Variants in NANS observed in about 807,000 individuals in gnomAD.
NANS encodes the protein N-acetylneuraminate-9-phosphate synthase.
In NANS, 29 loss-of-function variants were observed where a neutral mutation model predicts 33.3. The ratio of observed to expected loss-of-function variants is 0.87; its 90% CI spans 0.65 to 1.19. NANS has a LOEUF of 1.19. Among genes scored for constraint, NANS ranks in the 50% most tolerant of loss-of-function variants. The probability of loss-of-function intolerance (pLI) is 0.00; values close to 1 mark genes in which losing one functional copy is unlikely to be tolerated. For missense variants in NANS, 394 were observed against 461.1 expected, an observed-to-expected ratio of 0.85 and a Z score of 1.33; for synonymous variants, 163 against 177.2, an observed-to-expected ratio of 0.92 and a Z score of 0.64.
intron 2 of NANS, among the ~76,000 whole-genome samples, chr9:98,062,885 T>C (rs913533059): frequency 8.6e-5 from 13 of 150,962 alleles, no homozygotes; most frequent in Non-Finnish European, 1.9e-4. Context: ...TACCATTATC[T>C]CAAAATTCAA....
At chr9:98,061,793 T>G (rs1236715390) in intron 2 of NANS, among the ~76,000 whole-genome samples, 1 of 146,322 alleles carries the variant, frequency 6.8e-6, no homozygotes, top group African/African-American at 2.5e-5. Context: ...AAAAAAAAAA[T>G]TAATAATAAT....
At chr9:98,073,271 C>CCTT (rs1564161444) in intron 2 of NANS, among the ~76,000 whole-genome samples, 8 of 57,848 alleles carry the variant, frequency 1.4e-4, no homozygotes, top group Admixed American at 2.1e-4. Flanking sequence ...TCACCATGGG[C>CCTT]TTTTTTTTTT....
intron 2 of NANS, among the ~76,000 whole-genome samples, chr9:98,073,947 G>A (rs1230841727): frequency 5.3e-5 from 8 of 151,796 alleles, no homozygotes; most frequent in Admixed American, 2.6e-4. Flanking sequence ...CCACACACCC[G>A]GCTAATTTTT....
intron 2 of NANS, among the ~76,000 whole-genome samples, chr9:98,073,258 T>G (rs976964472): frequency 2.3e-5 from 3 of 129,262 alleles, no homozygotes; most frequent in Non-Finnish European, 4.8e-5. Flanking sequence ...TCTCCCCAGC[T>G]CATCACCATG....
At chr9:98,061,366 A>C (rs1029196505) in intron 2 of NANS, 5 of 217,006 alleles carry the variant, frequency 2.3e-5, no homozygotes, top group African/African-American at 6.9e-5. Context: ...AATCCCAGTT[A>C]CTTGGGAGGC....
rs779218846 is a variant in NANS, at chr9:98,077,018, G to A, written c.448+1G>A. The A allele has an allele frequency of 1.2e-5, 20 of 1,601,004 alleles. No individual in the cohort carries two copies. Among genetic ancestry groups the A allele is most frequent in the Admixed American group, 1.7e-5 (1 of 58,666 alleles). On this transcript the variant is annotated splice_donor_variant, in intron 3 of 5. Transcript: ENST00000210444. LOFTEE classifies it high-confidence loss of function. The stretch of plus-strand genomic sequence containing the variant: ...TATCTGGAAAAGACAGCCAAAAAAG[G>A]TAAGTGTCTAATTTTTGACTTAAAA...
intron 5 of NANS, chr9:98,081,326 C>T: frequency 1.8e-6 from 1 of 547,440 alleles, no homozygotes; most frequent in Non-Finnish European, 3.2e-6. Context: ...CCTAGGGTCA[C>T]ATTAGAGTCT....
intron 2 of NANS, among the ~76,000 whole-genome samples, chr9:98,073,365 A>G (rs1386281248): frequency 7.8e-6 from 1 of 128,842 alleles, no homozygotes; most frequent in Non-Finnish European, 1.5e-5. Context: ...GCTCACTGCA[A>G]CCTCCACCTC....
chr9:98,072,720 T>C lies in NANS; in HGVS notation c.349-4198T>C, dbSNP rs374407896. Among the ~76,000 whole-genome samples, 28 of 152,290 alleles carry C rather than the reference T, an allele frequency of 1.8e-4. 1 individual carries two copies. In the East Asian group the frequency reaches 4.6e-3, roughly 25 times the overall value. On this transcript the variant is annotated intron_variant, in intron 2 of 5. Coordinates refer to ENST00000210444, the MANE Select transcript of NANS (RefSeq NM_018946.4). ...CACCGTGCCCGGCAGGAAAGTGCAT[T>C]CTTTAAGAGCCTTTACGAGAGTTAA...
chr9:98,072,165 G>A (rs76692437), intron 2 of NANS, among the ~76,000 whole-genome samples: 4,064 of 152,232 alleles, frequency 0.027, 92 homozygotes, highest in South Asian at 0.037. Context: ...AGTGGCCCCC[G>A]TCTGTAAAAA....
rs890676014 is a variant in NANS at position 98,076,828 on chromosome 9, G to T, written c.349-90G>T. On this transcript the variant is annotated intron_variant, in intron 2 of 5. Transcript: ENST00000210444. ...GTCCCTCTACTGCCTAAGATGAGGG[G>T]TTTTTCTACTTGTATGTTATTCCTT... 26 of 1,059,950 alleles carry T rather than the reference G, an allele frequency of 2.5e-5. No homozygotes were observed. In the African/African-American group the frequency reaches 4.0e-4, roughly 16 times the overall value. 65.7% of individuals were successfully genotyped at this position (1,059,950 alleles called of 1,614,324 possible).
rs532047788 is a variant in NANS at position 98,057,038 on chromosome 9, C to A, written c.132+98C>A. On this transcript the variant is annotated intron_variant, in intron 1 of 5. Coordinates refer to ENST00000210444, the MANE Select transcript of NANS (RefSeq NM_018946.4). ...CCACACGGCCTCCGCGGCTGGGTAC[C>A]CTGGTCCGGCCTCTTCCCGCCCGCC... 4.3e-6 allele frequency: 6 copies of A among 1,389,148 alleles called. No individual in the cohort carries two copies. In the South Asian group the frequency reaches 9.1e-5, roughly 21 times the overall value. The allele number at this position is 1,389,148 out of a possible 1,614,324, so 86.1% of individuals were successfully genotyped here.
intron 2 of NANS, among the ~76,000 whole-genome samples, chr9:98,063,794 AG>A (rs1829054887): frequency 6.8e-6 from 1 of 148,056 alleles, no homozygotes; most frequent in African/African-American, 2.5e-5. Flanking sequence ...CCTCCCATCT[AG>A]GCCTCCCAAA....
At chr9:98,080,645 A>T (rs1398975592) in intron 4 of NANS, among the ~76,000 whole-genome samples, 171 bp from the exon 5 acceptor site, 5 of 152,228 alleles carry the variant, frequency 3.3e-5, no homozygotes, top group Non-Finnish European at 2.9e-5. Flanking sequence ...AACACTCAGC[A>T]GGTATTATTA....
In NANS at chr9:98,076,936, C is replaced by A. The variant is rs758287793; in HGVS notation, c.367C>A (p.His123Asn). 1 of 1,612,028 alleles carries A rather than the reference C, an allele frequency of 6.2e-7. No homozygotes were observed. Among genetic ancestry groups the A allele is most frequent in the Non-Finnish European group, 8.5e-7 (1 of 1,179,364 alleles). The change falls in exon 3 of 6, where the codon CAT becomes AAT. Residue 123 changes from histidine (H) to asparagine (N), a missense_variant. Transcript: ENST00000210444. ...GMDEMAVEFL[H>N]ELNVPFFKVG... ...TTTGTAGATGGCAGTTGAATTCCTG[C>A]ATGAACTGAATGTTCCATTTTTCAA...
chr9:98,071,044 CT>C (rs1388019171), intron 2 of NANS, among the ~76,000 whole-genome samples: 29 of 151,978 alleles, frequency 1.9e-4, no homozygotes, highest in Non-Finnish European at 4.4e-5. Context: ...AACTCTGGGC[CT>C]CAAACAGTCT....
In NANS at chr9:98,078,339, G is replaced by A. The variant is rs376804708; in HGVS notation, c.595G>A (p.Val199Ile). ...CCAGCCTGAGGACGTCAACCTGCGG[G>A]TCATCTCGGTGAGCAGGAGGGAGGG... ...PLQPEDVNLR[V>I]ISEYQKLFPD... is the part of the protein sequence containing the mutation. Residue 199 changes from valine (V) to isoleucine (I), a missense_variant, in exon 4 of 6, where the codon GTC becomes ATC. Physicochemically the swap from Val to Ile is conservative, Grantham distance 29. Transcript: ENST00000210444. 32 of 1,613,954 alleles carry A rather than the reference G, an allele frequency of 2.0e-5. No individual in the cohort carries two copies. In the African/African-American group the frequency reaches 2.7e-4, roughly 13 times the overall value.
chr9:98,058,894 G>C (rs1390854180), intron 1 of NANS, among the ~76,000 whole-genome samples: 1 of 152,136 alleles, frequency 6.6e-6, no homozygotes, highest in Non-Finnish European at 1.5e-5. Flanking sequence ...TGAGAGCTCT[G>C]TTGCCCAAGG....
intron 4 of NANS, among the ~76,000 whole-genome samples, chr9:98,079,358 A>G (rs976845712): frequency 6.6e-6 from 1 of 152,210 alleles, no homozygotes; most frequent in Non-Finnish European, 1.5e-5. Flanking sequence ...ATCCACACAT[A>G]CTAGAATCCT....
Sources: allele counts gnomAD v4.1 joint callset (sites outside exome capture counted in the v4.1 genomes callset), GRCh38; gene constraint gnomAD v4.1.1; transcripts MANE v1.5; gene names NCBI Gene and HGNC (gene_info 2026-07-23, HGNC 2026-07-21).